The following PCCB variants were observed in gnomAD, a reference collection of about 807,000 sequenced individuals.
PCCB encodes propionyl-CoA carboxylase beta chain, mitochondrial.
PCCB carries 43 observed loss-of-function variants against 60.7 expected under a neutral mutation model. That is an observed-to-expected ratio of 0.71 (90% confidence interval 0.55 to 0.91). PCCB has a LOEUF of 0.91. Among genes scored for constraint, PCCB ranks in the 40% least tolerant of loss-of-function variants. The pLI, the probability that PCCB is intolerant of heterozygous loss-of-function variation, is 0.00. For missense variants in PCCB, 766 were observed against 702.8 expected (o/e 1.09, Z -1.02); for synonymous variants, 276 against 255.9 (o/e 1.08, Z -0.75).
At chr3:136,275,441 C>T (rs995071933) in intron 5 of PCCB, among the ~76,000 whole-genome samples, 3 of 151,670 alleles carry the variant, frequency 2.0e-5, no homozygotes, top group African/African-American at 4.8e-5. Flanking sequence ...TCAAATATTT[C>T]GTTTTAGTTT....
intron 10 of PCCB, among the ~76,000 whole-genome samples, chr3:136,322,064 A>G (rs1560031247): frequency 6.6e-6 from 1 of 152,200 alleles, no homozygotes. Flanking sequence ...GAAAACTTCT[A>G]GTTTCTTACA....
intron 5 of PCCB, among the ~76,000 whole-genome samples, chr3:136,266,954 C>G (rs1942000058): frequency 6.6e-6 from 1 of 152,156 alleles, no homozygotes; most frequent in South Asian, 2.1e-4. Flanking sequence ...GTGATCTTAG[C>G]TCACTGCAAC....
chr3:136,267,477 C>T (rs1192706698), intron 5 of PCCB, among the ~76,000 whole-genome samples: 2 of 152,068 alleles, frequency 1.3e-5, no homozygotes, highest in Non-Finnish European at 2.9e-5. Context: ...AAGCCACTGC[C>T]CCAAGCCTGT....
At chr3:136,291,008 A>G (rs943227515) in intron 6 of PCCB, among the ~76,000 whole-genome samples, 9 of 151,948 alleles carry the variant, frequency 5.9e-5, no homozygotes, top group Non-Finnish European at 1.0e-4. Context: ...CATCAAATGC[A>G]TTCTTTATTT....
At chr3:136,264,440 G>GTGTATGTATATATATATATATATATA in intron 5 of PCCB, among the ~76,000 whole-genome samples, 1 of 123,782 alleles carries the variant, frequency 8.1e-6, no homozygotes. Context: ...ATGTGTGTGT[G>GTGTATGTATATATATATATATATATA]TATATATGTA....
intron 7 of PCCB, among the ~76,000 whole-genome samples, chr3:136,296,956 G>A (rs1373948764): frequency 2.6e-5 from 4 of 152,194 alleles, no homozygotes; most frequent in Non-Finnish European, 5.9e-5. Context: ...TTATATTCTA[G>A]TAGAGGAGAT....
chr3:136,327,013 T>C, intron 11 of PCCB, 103 bp downstream of exon 11: 1 of 1,113,712 alleles, frequency 9.0e-7, no homozygotes, highest in Non-Finnish European at 1.4e-6. Context: ...ACTTGTGACT[T>C]CTCCATGTAT....
intron 9 of PCCB, among the ~76,000 whole-genome samples, chr3:136,308,770 G>A (rs1934543517): frequency 6.6e-6 from 1 of 152,098 alleles, no homozygotes; most frequent in Non-Finnish European, 1.5e-5. Context: ...AACTTTTGTA[G>A]CAACTAAAAC....
intron 5 of PCCB, among the ~76,000 whole-genome samples, chr3:136,275,989 A>C (rs548055423): frequency 5.9e-5 from 9 of 152,094 alleles, no homozygotes; most frequent in African/African-American, 1.9e-4. Flanking sequence ...CAGGCTGGTC[A>C]CAAACTCCTG....
chr3:136,310,413 C>T (rs1934618051), intron 9 of PCCB, among the ~76,000 whole-genome samples: 1 of 151,168 alleles, frequency 6.6e-6, no homozygotes, highest in Admixed American at 6.6e-5. Context: ...GTCCCAGCTA[C>T]TGGGGAGGCC....
chr3:136,327,558 C>T, intron 12 of PCCB, 76 bp from the exon 13 acceptor site: 2 of 1,142,858 alleles, frequency 1.7e-6, no homozygotes, highest in Non-Finnish European at 2.7e-6. Flanking sequence ...CCAATTTTAC[C>T]TGGTTTCCTG....
At chr3:136,327,875 G>T in intron 13 of PCCB, 143 bp downstream of exon 13, 1 of 721,880 alleles carries the variant, frequency 1.4e-6, no homozygotes, top group Non-Finnish European at 2.5e-6. Context: ...CTAGACCTTG[G>T]TAAGTCTCCC....
At chr3:136,289,306 T>G (rs762580052) in intron 6 of PCCB, among the ~76,000 whole-genome samples, 3 of 152,224 alleles carry the variant, frequency 2.0e-5, no homozygotes, top group Non-Finnish European at 2.9e-5. Flanking sequence ...CTCATGTTAT[T>G]TTGATGCTCT....
intron 13 of PCCB, 81 bp from the exon 14 acceptor site, chr3:136,328,677 C>A: frequency 8.8e-7 from 1 of 1,140,978 alleles, no homozygotes; most frequent in Non-Finnish European, 1.3e-6. Flanking sequence ...AAATTTGCAC[C>A]CACACACAGT....
intron 6 of PCCB, among the ~76,000 whole-genome samples, chr3:136,292,044 A>G (rs890714175): frequency 1.3e-5 from 2 of 151,926 alleles, no homozygotes; most frequent in African/African-American, 2.4e-5. Flanking sequence ...GCAAGGCTCA[A>G]TTTTCTGCAT....
intron 5 of PCCB, among the ~76,000 whole-genome samples, chr3:136,267,241 C>T (rs1325210771): frequency 1.3e-5 from 2 of 152,098 alleles, no homozygotes; most frequent in Non-Finnish European, 2.9e-5. Flanking sequence ...GGCTAGAGTG[C>T]GTTAGTGCAA....
At chr3:136,275,789 G>A (rs1459741803) in intron 5 of PCCB, among the ~76,000 whole-genome samples, 3 of 151,918 alleles carry the variant, frequency 2.0e-5, no homozygotes, top group African/African-American at 4.8e-5. Flanking sequence ...TATTTTTGTT[G>A]AGATGGCGTC....
intron 5 of PCCB, among the ~76,000 whole-genome samples, chr3:136,270,797 C>T (rs985465449): frequency 3.3e-5 from 5 of 152,116 alleles, no homozygotes; most frequent in African/African-American, 4.8e-5. Context: ...TGAGCCCCTG[C>T]GCCCGGCTGT....
rs187774590 is a variant in PCCB at position 136,263,512 on chromosome 3, T to C, written c.543+1447T>C. On this transcript the variant is annotated intron_variant, in intron 5 of 14. Transcript: ENST00000251654. ...ATCTTGAACTTCTGGACTCAAGCGA[T>C]TGGCCTGCGTTTGCCTCCCAAAGTG... 7.2e-5 allele frequency among the ~76,000 whole-genome samples: 11 copies of C among 151,946 alleles called. No individual in the cohort carries two copies. The East Asian group carries it at 2.1e-3, about 30-fold the overall frequency.
Sources: allele counts gnomAD v4.1 joint callset (sites outside exome capture counted in the v4.1 genomes callset), GRCh38; gene constraint gnomAD v4.1.1; transcripts MANE v1.5; gene names NCBI Gene and HGNC (gene_info 2026-07-23, HGNC 2026-07-21).